PPIL6: variants seen among roughly 807,000 people sequenced by gnomAD.
PPIL6 encodes the protein peptidylprolyl isomerase like 6, also known as probable inactive peptidyl-prolyl cis-trans isomerase-like 6.
PPIL6 carries 39 observed loss-of-function variants against 36.8 expected under a neutral mutation model. The observed-to-expected ratio is 1.06, with a 90% confidence interval of 0.82 to 1.38. The LOEUF is 1.38. PPIL6 is among the 40% of genes most tolerant of loss of function. PPIL6 has a pLI of 0.00. For synonymous variants in PPIL6, 123 were observed against 134.1 expected (o/e 0.92, Z 0.57); for missense variants, 368 against 379.1 (o/e 0.97, Z 0.24).
intron 7 of PPIL6, among the ~76,000 whole-genome samples, chr6:109,395,048 T>C (rs746292206): frequency 6.6e-6 from 1 of 152,198 alleles, no homozygotes; most frequent in Non-Finnish European, 1.5e-5. Flanking sequence ...TCCCAAATCC[T>C]AGGAGTTACT....
chr6:109,402,709 GA>G (rs35337718), intron 6 of PPIL6, among the ~76,000 whole-genome samples: 7 of 151,010 alleles, frequency 4.6e-5, no homozygotes, highest in Admixed American at 1.3e-4. Context: ...GTATGGACCT[GA>G]AAAAAAGTGT....
chr6:109,426,737 G>A lies in PPIL6; in HGVS notation c.631+110C>T, dbSNP rs529922062. On this transcript the variant is annotated intron_variant, in intron 5 of 7. Coordinates refer to ENST00000521072, the MANE Select transcript of PPIL6 (RefSeq NM_173672.5). ...GCTATATAAAGCATTCTTTAAATAC[G>A]TCTAATTTTAAGTATATCTAATTCT... is the stretch of plus-strand genomic sequence containing the variant. 4.7e-4 allele frequency: 330 copies of A among 704,074 alleles called. 1 individual carries two copies. Among genetic ancestry groups the A allele is most frequent in the Admixed American group, 2.7e-3 (94 of 35,124 alleles). The allele number at this position is 704,074 out of a possible 1,614,324, so 43.6% of individuals were successfully genotyped here.
rs1221231963 is a variant in PPIL6 at position 109,433,058 on chromosome 6, TC to T, written c.232-1714del. ...CCATATTTTACAGGACCCAAAACTT[TC>T]TTTTTTTTTTTTTTTGAGACCGAGT... On this transcript the variant is annotated intron_variant, in intron 2 of 7. Coordinates refer to ENST00000521072, the MANE Select transcript of PPIL6 (RefSeq NM_173672.5). Among the ~76,000 whole-genome samples, 310 of 151,830 alleles carry T rather than the reference TC, an allele frequency of 2.0e-3. 1 individual carries two copies. Among genetic ancestry groups the T allele is most frequent in the African/African-American group, 7.1e-3 (292 of 41,384 alleles).
At chr6:109,435,820 G>C (rs929294755) in intron 2 of PPIL6, among the ~76,000 whole-genome samples, 1 of 151,996 alleles carries the variant, frequency 6.6e-6, no homozygotes, top group African/African-American at 2.4e-5. Flanking sequence ...AGCTACTTGC[G>C]GGGCTGAGGT....
intron 2 of PPIL6, among the ~76,000 whole-genome samples, chr6:109,434,392 C>T (rs1774332378): frequency 6.6e-6 from 1 of 151,770 alleles, no homozygotes; most frequent in Non-Finnish European, 1.5e-5. Flanking sequence ...CCTGTTTCTA[C>T]AAACAAAGAA....
At chr6:109,440,963 T>G, upstream of PPIL6, 17 of 642,222 alleles carry the variant, frequency 2.6e-5, no homozygotes, top group South Asian at 6.3e-5. Context: ...AACGCGGGAG[T>G]CGGGCCCGAC....
chr6:109,435,901 G>C (rs1191458287), intron 2 of PPIL6, among the ~76,000 whole-genome samples: 1 of 152,084 alleles, frequency 6.6e-6, no homozygotes, highest in African/African-American at 2.4e-5. Flanking sequence ...CTCCAGCCTG[G>C]GTAACAGAGT....
rs553249948 is a variant in PPIL6 at position 109,431,404 on chromosome 6, A to C, written c.232-59T>G. ...GTAAGAAGTGGGGGGAAAACTTGCT[A>C]AACCCATAAGCCAGAGCTTAGGATC... is the stretch of plus-strand genomic sequence containing the variant. On this transcript the variant is annotated intron_variant, in intron 2 of 7. Transcript: ENST00000521072. 1,568 of 1,308,038 alleles carry C rather than the reference A, an allele frequency of 1.2e-3. 3 individuals carry two copies. The highest frequency in any genetic ancestry group is 1.3e-3 in the Non-Finnish European group (1,239 of 947,186). 81.0% of individuals were successfully genotyped at this position (1,308,038 alleles called of 1,614,324 possible).
chr6:109,423,397 G>C (rs1773652103), intron 5 of PPIL6, among the ~76,000 whole-genome samples: 1 of 151,762 alleles, frequency 6.6e-6, no homozygotes, highest in African/African-American at 2.4e-5. Flanking sequence ...GAGTTCAATA[G>C]GTACTTTTTT....
chr6:109,436,870 T>C (rs1208317577), intron 1 of PPIL6, among the ~76,000 whole-genome samples: 1 of 152,234 alleles, frequency 6.6e-6, no homozygotes, highest in Non-Finnish European at 1.5e-5. Context: ...TGTGATATGC[T>C]ATGTTCTTTA....
intron 2 of PPIL6, among the ~76,000 whole-genome samples, chr6:109,433,101 G>A (rs1053322508): frequency 2.5e-4 from 38 of 150,396 alleles, no homozygotes; most frequent in African/African-American, 8.8e-4. Context: ...CTGTCACCCA[G>A]GCTGGAGTGC....
chr6:109,433,108 G>A (rs1774250675), intron 2 of PPIL6, among the ~76,000 whole-genome samples: 1 of 151,118 alleles, frequency 6.6e-6, no homozygotes, highest in Non-Finnish European at 1.5e-5. Context: ...CCAGGCTGGA[G>A]TGCAATGGTG....
At chr6:109,435,517 T>TG (rs978554919) in intron 2 of PPIL6, among the ~76,000 whole-genome samples, 8 of 152,096 alleles carry the variant, frequency 5.3e-5, no homozygotes, top group Non-Finnish European at 1.0e-4. Context: ...AGGATGGTCT[T>TG]GATCTCCTGA....
At position 109,424,194 on chromosome 6, in the gene PPIL6, A is replaced by G. The variant is rs550027873; in HGVS notation, c.631+2653T>C. Reference sequence around the variant, plus strand: ...GGCCTTGCCCAGACAATCTCTGGGCAATAATCAGAAACAGACAGTGGGGTT... The same window carrying G: ...GGCCTTGCCCAGACAATCTCTGGGCGATAATCAGAAACAGACAGTGGGGTT... On this transcript the variant is annotated intron_variant, in intron 5 of 7. Transcript: ENST00000521072. 4.6e-5 allele frequency among the ~76,000 whole-genome samples: 7 copies of G among 152,292 alleles called. No homozygotes were observed. In the East Asian group the frequency reaches 1.2e-3, roughly 25 times the overall value.
In PPIL6 at chr6:109,413,128, A is replaced by G. The variant is rs1172861798; in HGVS notation, c.688+6059T>C. Among the ~76,000 whole-genome samples, 1 of 152,318 alleles carries G rather than the reference A, an allele frequency of 6.6e-6. No individual in the cohort carries two copies. The highest frequency in any genetic ancestry group is 2.4e-5 in the African/African-American group (1 of 41,576). ...AGCTGAGATGGCACCACTGCATTCT[A>G]TCCTGGGTGACAGAGTGAGACTCTG... is the stretch of plus-strand genomic sequence containing the variant. On this transcript the variant is annotated intron_variant, in intron 6 of 7. Coordinates refer to ENST00000521072, the MANE Select transcript of PPIL6 (RefSeq NM_173672.5). The surrounding 1 kb of genome is among the most constrained non-coding windows in gnomAD (Gnocchi z 4.6).
At chr6:109,434,913 G>A (rs1774361660) in intron 2 of PPIL6, among the ~76,000 whole-genome samples, 1 of 152,204 alleles carries the variant, frequency 6.6e-6, no homozygotes, top group Non-Finnish European at 1.5e-5. Flanking sequence ...CACCCAACAG[G>A]AAAACTATCA....
intron 7 of PPIL6, among the ~76,000 whole-genome samples, chr6:109,393,323 C>T (rs1582513321): frequency 6.6e-6 from 1 of 151,734 alleles, no homozygotes; most frequent in East Asian, 1.9e-4. Context: ...CTTAAGTGAT[C>T]CTCCTGCCTC....
chr6:109,412,293 A>G (rs1030208244), intron 6 of PPIL6, among the ~76,000 whole-genome samples: 2 of 152,234 alleles, frequency 1.3e-5, no homozygotes, highest in African/African-American at 2.4e-5. Flanking sequence ...TCACAGAGCT[A>G]TAACACCACT....
chr6:109,437,082 T>C (rs1774488451), intron 1 of PPIL6, among the ~76,000 whole-genome samples: 2 of 152,246 alleles, frequency 1.3e-5, no homozygotes, highest in African/African-American at 4.8e-5. Flanking sequence ...ATACGGAATA[T>C]GTTCTAGTTT....
Sources: allele counts gnomAD v4.1 joint callset (sites outside exome capture counted in the v4.1 genomes callset), GRCh38; gene constraint gnomAD v4.1.1; non-coding constraint Gnocchi (gnomAD v3.1); transcripts MANE v1.5; gene names NCBI Gene and HGNC (gene_info 2026-07-23, HGNC 2026-07-21).